Variants in NMI observed in about 807,000 individuals in gnomAD.
NMI encodes the protein N-myc-interactor.
A neutral mutation model predicts 34.3 loss-of-function variants in NMI; 39 were observed. The observed-to-expected ratio is 1.14, with a 90% CI of 0.88 to 1.49. NMI has a LOEUF of 1.49. NMI is among the 40% of genes most tolerant of loss of function. The pLI is 0.00. For synonymous variants in NMI, 113 were observed against 120.3 expected (o/e 0.94, Z 0.40); for missense variants, 339 against 358.1 (o/e 0.95, Z 0.43).
At chr2:151,271,496 GA>G (rs1170973258) in intron 7 of NMI, 129 bp downstream of exon 7, 1 of 665,542 alleles carries the variant, frequency 1.5e-6, no homozygotes, top group Non-Finnish European at 2.7e-6. Flanking sequence ...AAGCAAAAAT[GA>G]AGTAAAGAAA....
rs1683413764 is a variant in NMI at position 151,281,976 on chromosome 2, T to C, written c.149A>G (p.Glu50Gly). Residue 50 changes from glutamate to glycine, a missense_variant, in exon 3 of 8, where the codon GAG becomes GGG. By Grantham distance (98) the Glu-to-Gly change is moderately conservative. Transcript: ENST00000243346. The part of the protein sequence containing the change: ...LKKEIQKLET[E>G]LQEATKEFQI... ...GAATTCTTTGGTAGCCTCTTGTAAC[T>C]CCGTTTCAAGCTTTTGGATCTCCTT... 1.3e-6 allele frequency: 2 copies of C among 1,556,866 alleles called. No homozygotes were observed. Among genetic ancestry groups the C allele is most frequent in the Non-Finnish European group, 1.8e-6 (2 of 1,131,182 alleles).
intron 6 of NMI, among the ~76,000 whole-genome samples, chr2:151,274,874 A>AT (rs1030358937): frequency 2.0e-4 from 30 of 147,296 alleles, no homozygotes; most frequent in East Asian, 8.1e-4. Context: ...TAATCCATCA[A>AT]TTTTTTTTTT....
At chr2:151,274,890 T>C (rs1016724686) in intron 6 of NMI, among the ~76,000 whole-genome samples, 11 of 152,106 alleles carry the variant, frequency 7.2e-5, no homozygotes, top group African/African-American at 2.7e-4. Context: ...TTTTTTAATT[T>C]TGTTTTTTGA....
intron 1 of NMI, 128 bp from the exon 2 acceptor site, chr2:151,283,082 T>C (rs1038853786): frequency 3.7e-5 from 17 of 455,086 alleles, no homozygotes; most frequent in Non-Finnish European, 6.2e-5. Context: ...TTTCCCATCA[T>C]CAAAGGCTTT....
intron 1 of NMI, among the ~76,000 whole-genome samples, chr2:151,286,428 T>C (rs74450933): frequency 0.024 from 3,597 of 152,250 alleles, 60 homozygotes; most frequent in African/African-American, 0.028. Context: ...CTCAACTGGA[T>C]CCTTTTGCTA....
At chr2:151,287,001 T>C (rs570976291) in intron 1 of NMI, among the ~76,000 whole-genome samples, 3 of 152,228 alleles carry the variant, frequency 2.0e-5, no homozygotes, top group African/African-American at 7.2e-5. Flanking sequence ...CCCTACACTA[T>C]CCAAGACACT....
chr2:151,273,267 AC>A (rs1683219541), intron 6 of NMI, among the ~76,000 whole-genome samples: 1 of 152,138 alleles, frequency 6.6e-6, no homozygotes, highest in Non-Finnish European at 1.5e-5. Context: ...TACAGTACCT[AC>A]CCTGTAGATT....
intron 3 of NMI, among the ~76,000 whole-genome samples, chr2:151,280,088 A>G (rs1420741289): frequency 4.6e-5 from 7 of 151,704 alleles, no homozygotes; most frequent in Non-Finnish European, 1.0e-4. Flanking sequence ...CTGGCTATTC[A>G]GGAGGCTGAG....
rs1161258077 is a variant in NMI, at chr2:151,276,356, T to G, written c.341-492A>C. 2.0e-5 allele frequency among the ~76,000 whole-genome samples: 3 copies of G among 152,152 alleles called. No homozygotes were observed. In the East Asian group the frequency reaches 5.8e-4, roughly 29 times the overall value. The stretch of plus-strand genomic sequence containing the variant: ...TATCAGGATGAGCCACTGCTCTTGG[T>G]CCCAAAGTAGAATATATTAATGTCA... On this transcript the variant is annotated intron_variant, in intron 4 of 7. Transcript: ENST00000243346.
intron 7 of NMI, 33 bp downstream of exon 7, chr2:151,271,593 G>T: frequency 8.8e-7 from 1 of 1,132,054 alleles, no homozygotes; most frequent in Non-Finnish European, 1.3e-6. Context: ...TGGGCAGTGA[G>T]TTCTGAAAAT....
intron 2 of NMI, 72 bp downstream of exon 2, chr2:151,282,796 C>A: frequency 1.3e-6 from 1 of 791,024 alleles, no homozygotes; most frequent in African/African-American, 1.8e-5. Context: ...CAAAGACATA[C>A]AAAACATGCC....
chr2:151,288,507 C>A (rs914552314), intron 1 of NMI, among the ~76,000 whole-genome samples: 2 of 152,050 alleles, frequency 1.3e-5, no homozygotes, highest in African/African-American at 4.8e-5. Flanking sequence ...TGATTTTAAC[C>A]CAGTGAGACC....
At chr2:151,279,115 G>C in intron 3 of NMI, 125 bp from the exon 4 acceptor site, 1 of 625,278 alleles carries the variant, frequency 1.6e-6, no homozygotes, top group Non-Finnish European at 2.7e-6. Context: ...GTAGAATATT[G>C]AGTATGGTCT....
chr2:151,279,463 T>C (rs531749804), intron 3 of NMI, among the ~76,000 whole-genome samples: 61 of 151,864 alleles, frequency 4.0e-4, no homozygotes, highest in Non-Finnish European at 6.0e-4. Flanking sequence ...GACTCTAGAA[T>C]TAGATAATTT....
At chr2:151,284,174 G>A (rs544531226) in intron 1 of NMI, among the ~76,000 whole-genome samples, 47 of 152,252 alleles carry the variant, frequency 3.1e-4, no homozygotes, top group African/African-American at 1.1e-3. Flanking sequence ...TGGCCAACAT[G>A]GTGAAACCCC....
At chr2:151,289,285 A>ACAG (rs1324021335) in intron 1 of NMI, among the ~76,000 whole-genome samples, 1 of 151,222 alleles carries the variant, frequency 6.6e-6, no homozygotes, top group Non-Finnish European at 1.5e-5. Flanking sequence ...AAGAGAGAAA[A>ACAG]CAGCGAGGAA....
intron 1 of NMI, among the ~76,000 whole-genome samples, chr2:151,284,220 G>A (rs561577007): frequency 2.6e-4 from 39 of 152,006 alleles, no homozygotes; most frequent in South Asian, 1.2e-3. Flanking sequence ...TTAGCTGGGC[G>A]TGGTGCCAGG....
At position 151,270,623 on chromosome 2, in the gene NMI, A is replaced by G. The variant is rs190486652; in HGVS notation, c.*70T>C. The stretch of plus-strand genomic sequence containing the variant: ...AAGTTTTCATTTTTTAAGGAAAAGC[A>G]TATTCATTTTTGTCAAACATTTACA... On this transcript the variant is annotated 3_prime_UTR_variant, in exon 8 of 8. Transcript: ENST00000243346. 2.7e-5 allele frequency: 33 copies of G among 1,234,872 alleles called. No homozygotes were observed. Among genetic ancestry groups the G allele is most frequent in the East Asian group, 2.4e-5 (1 of 41,530 alleles). The allele number at this position is 1,234,872 out of a possible 1,614,324, so 76.5% of individuals were successfully genotyped here. A position where few individuals can be genotyped will look rare whatever the true frequency, so the allele number is the denominator to read the frequency against.
chr2:151,280,213 C>G (rs1455719007), intron 3 of NMI, among the ~76,000 whole-genome samples: 2 of 79,054 alleles, frequency 2.5e-5, no homozygotes, highest in Non-Finnish European at 5.4e-5. Context: ...AAAATTGTAA[C>G]CTGAAAGATA....
Sources: allele counts gnomAD v4.1 joint callset (sites outside exome capture counted in the v4.1 genomes callset), GRCh38; gene constraint gnomAD v4.1.1; transcripts MANE v1.5; gene names NCBI Gene and HGNC (gene_info 2026-07-23, HGNC 2026-07-21).